CDC14B: variants seen among roughly 807,000 people sequenced by gnomAD.
CDC14B encodes the protein dual specificity protein phosphatase CDC14B.
In CDC14B, 22 loss-of-function variants were observed where a neutral mutation model predicts 64.2. The ratio of observed to expected loss-of-function variants is 0.34; its 90% CI spans 0.24 to 0.49. The LOEUF (loss-of-function observed/expected upper bound fraction) is 0.49, where lower values mean the gene tolerates loss of function less well. Among genes scored for constraint, CDC14B ranks in the 20% least tolerant of loss-of-function variants. CDC14B has a pLI of 0.99. For synonymous variants in CDC14B, 191 were observed against 215.8 expected (o/e 0.89, Z 1.01); for missense variants, 498 against 629.9 (o/e 0.79, Z 2.24).
intron 4 of CDC14B, among the ~76,000 whole-genome samples, chr9:96,556,272 A>C (rs563037143): frequency 1.3e-5 from 2 of 152,282 alleles, no homozygotes; most frequent in African/African-American, 4.8e-5. Flanking sequence ...CAGCACTTAA[A>C]GACTCTTGTG....
chr9:96,539,147 T>G lies in CDC14B; in HGVS notation c.565-7A>C. The G allele has an allele frequency of 6.3e-7, 1 of 1,592,348 alleles. No homozygotes were observed. Among genetic ancestry groups the G allele is most frequent in the Non-Finnish European group, 8.6e-7 (1 of 1,161,578 alleles). ...GGAAGCCATACTGCATTGCCTAAAA[T>G]CCAAAAGAAAGCTTTTAAGAACAAG... is the stretch of plus-strand genomic sequence containing the variant. On this transcript the variant is annotated splice_region_variant and splice_polypyrimidine_tract_variant and intron_variant, in intron 6 of 13. Transcript: ENST00000375241.
chr9:96,582,108 C>G (rs993469194), intron 1 of CDC14B, among the ~76,000 whole-genome samples: 3 of 152,128 alleles, frequency 2.0e-5, no homozygotes, highest in Non-Finnish European at 2.9e-5. Context: ...CTGGAAAAAA[C>G]CTCTCCAGCC....
intron 1 of CDC14B, among the ~76,000 whole-genome samples, chr9:96,615,761 G>A (rs1250890155): frequency 6.6e-6 from 1 of 152,176 alleles, no homozygotes; most frequent in African/African-American, 2.4e-5. Context: ...CTGAAAACAT[G>A]TCCATGCAAC....
At chr9:96,583,370 T>TTTATTATTA (rs60483659) in intron 1 of CDC14B, among the ~76,000 whole-genome samples, 2,295 of 139,072 alleles carry the variant, frequency 0.017, 30 homozygotes, top group Middle Eastern at 0.04. Flanking sequence ...GTTGTATTTA[T>TTTATTATTA]TTATTATTAT....
chr9:96,532,573 T>C (rs1477240882), intron 9 of CDC14B, among the ~76,000 whole-genome samples: 1 of 152,198 alleles, frequency 6.6e-6, no homozygotes, highest in East Asian at 1.9e-4. Flanking sequence ...CTTCTCCCTC[T>C]GGAACTCCCA....
chr9:96,556,915 T>C (rs1395810413), intron 4 of CDC14B, among the ~76,000 whole-genome samples: 1 of 152,158 alleles, frequency 6.6e-6, no homozygotes, highest in African/African-American at 2.4e-5. Flanking sequence ...CCGCCTATTA[T>C]TGATGGAAGA....
chr9:96,501,316 T>C lies in CDC14B; in HGVS notation c.*2437A>G, dbSNP rs1204736309. 1 of 152,230 alleles carries C rather than the reference T, an allele frequency of 6.6e-6. No individual in the cohort carries two copies. The highest frequency in any genetic ancestry group is 1.9e-4 in the East Asian group (1 of 5,202). 9.4% of individuals were successfully genotyped at this position (152,230 alleles called of 1,614,324 possible). A position where few individuals can be genotyped will look rare whatever the true frequency, so the allele number is the denominator to read the frequency against. On this transcript the variant is annotated 3_prime_UTR_variant, in exon 14 of 14. Transcript: ENST00000375241. ...CCGTCCCAGTGTACTTTCAGGGCTA[T>C]TTAAGGCTCTTAGGTTAAGGGGATC...
rs1208498032 is a variant in CDC14B at position 96,619,459 on chromosome 9, C to G, written c.-81G>C. 2.4e-6 allele frequency: 2 copies of G among 818,084 alleles called. No homozygotes were observed. Among genetic ancestry groups the G allele is most frequent in the Non-Finnish European group, 2.9e-6 (2 of 680,972 alleles). 50.7% of individuals were successfully genotyped at this position (818,084 alleles called of 1,614,324 possible). On this transcript the variant is annotated 5_prime_UTR_variant, in exon 1 of 14. Transcript: ENST00000375241. ...CCCGCCGAGGCTCCCGCCAGCCCCG[C>G]GCGGGCGCTCGGGGCGGCGGGCGCA...
At chr9:96,583,528 C>G (rs1845291099) in intron 1 of CDC14B, among the ~76,000 whole-genome samples, 1 of 151,184 alleles carries the variant, frequency 6.6e-6, no homozygotes, top group African/African-American at 2.4e-5. Context: ...TCAAGAGTAG[C>G]TGGGACTACA....
chr9:96,601,846 T>G (rs1462400631), intron 1 of CDC14B, among the ~76,000 whole-genome samples: 1 of 139,916 alleles, frequency 7.1e-6, no homozygotes, highest in Admixed American at 7.4e-5. Context: ...GATCACAAGG[T>G]CAGGAGATCG....
At chr9:96,512,506 A>C (rs1424207512) in intron 12 of CDC14B, among the ~76,000 whole-genome samples, 1 of 151,490 alleles carries the variant, frequency 6.6e-6, no homozygotes, top group African/African-American at 2.4e-5. Context: ...TTTTTATTTT[A>C]TAGAGATGGG....
At chr9:96,605,541 G>A (rs201319251) in intron 1 of CDC14B, among the ~76,000 whole-genome samples, 1 of 152,182 alleles carries the variant, frequency 6.6e-6, no homozygotes. Context: ...TTTGTGGCTT[G>A]CCTTTCCTTA....
At chr9:96,591,186 C>T (rs1033797587) in intron 1 of CDC14B, among the ~76,000 whole-genome samples, 1 of 152,166 alleles carries the variant, frequency 6.6e-6, no homozygotes. Context: ...CCAAATCTAA[C>T]GTCATGAGGC....
intron 1 of CDC14B, chr9:96,618,509 T>C (rs376369506): frequency 1.7e-4 from 89 of 533,468 alleles, no homozygotes; most frequent in Non-Finnish European, 3.1e-4. Flanking sequence ...TCTGGCTGGC[T>C]GGGATTTCTC....
At position 96,502,859 on chromosome 9, in the gene CDC14B, T is replaced by C; in HGVS notation, c.*894A>G. The C allele has an allele frequency of 2.5e-6, 1 of 398,608 alleles. No individual in the cohort carries two copies. Among genetic ancestry groups the C allele is most frequent in the East Asian group, 3.6e-5 (1 of 28,082 alleles). The allele number at this position is 398,608 out of a possible 1,614,324, so 24.7% of individuals were successfully genotyped here. On this transcript the variant is annotated 3_prime_UTR_variant, in exon 14 of 14. Coordinates refer to ENST00000375241, the MANE Select transcript of CDC14B (RefSeq NM_033331.4). The stretch of plus-strand genomic sequence containing the variant: ...AGGACTCTAAAAAAGTGGTAACTTT[T>C]TTTTTTTGTAAGCCGACATTATTTG...
At chr9:96,612,311 C>T (rs1002270890) in intron 1 of CDC14B, among the ~76,000 whole-genome samples, 17 of 152,224 alleles carry the variant, frequency 1.1e-4, no homozygotes, top group Non-Finnish European at 4.4e-5. Context: ...TGCTTCTTAG[C>T]TTGAAACCCT....
rs1370793676 is a variant in CDC14B at position 96,502,535 on chromosome 9, A to G, written c.*1218T>C. The G allele has an allele frequency of 1.4e-5, 3 of 217,708 alleles. No individual in the cohort carries two copies. The highest frequency in any genetic ancestry group is 2.7e-5 in the Non-Finnish European group (3 of 112,352). 13.5% of individuals were successfully genotyped at this position (217,708 alleles called of 1,614,324 possible). A position where few individuals can be genotyped will look rare whatever the true frequency, so the allele number is the denominator to read the frequency against. ...AAAATGGCTTAACAATCATTAAACCACCCACTTCTTATGGAAGGAACTGAG... is the reference window on the plus strand; with the variant it reads ...AAAATGGCTTAACAATCATTAAACCGCCCACTTCTTATGGAAGGAACTGAG... On this transcript the variant is annotated 3_prime_UTR_variant, in exon 14 of 14. Transcript: ENST00000375241.
intron 1 of CDC14B, among the ~76,000 whole-genome samples, chr9:96,614,533 A>G (rs1847508397): frequency 1.3e-5 from 2 of 152,232 alleles, no homozygotes; most frequent in South Asian, 4.1e-4. Context: ...AAGCTCTGCA[A>G]CAACTATTAC....
downstream of CDC14B, among the ~76,000 whole-genome samples, chr9:96,495,781 T>G (rs1428480201): frequency 1.5e-4 from 23 of 152,244 alleles, no homozygotes; most frequent in Non-Finnish European, 5.9e-5. Context: ...GAATTTTTAC[T>G]GAGGCTCCCC....
Sources: allele counts gnomAD v4.1 joint callset (sites outside exome capture counted in the v4.1 genomes callset), GRCh38; gene constraint gnomAD v4.1.1; transcripts MANE v1.5; gene names NCBI Gene and HGNC (gene_info 2026-07-23, HGNC 2026-07-21).